SDCBP: variants seen among roughly 807,000 people sequenced by gnomAD.
The protein encoded by SDCBP is syntenin-1.
In SDCBP, 22 loss-of-function variants were observed where a neutral mutation model predicts 30.5. The ratio of observed to expected loss-of-function variants is 0.72; its 90% CI spans 0.52 to 1.03. SDCBP has a LOEUF of 1.03. SDCBP is among the 50% of genes least tolerant of loss of function. The pLI is 0.00. For missense variants in SDCBP, 304 were observed against 369.9 expected (o/e 0.82, Z 1.46); for synonymous variants, 103 against 118.7 (o/e 0.87, Z 0.86).
intron 2 of SDCBP, among the ~76,000 whole-genome samples, chr8:58,567,267 G>A (rs1000499286): frequency 1.3e-5 from 2 of 152,122 alleles, no homozygotes; most frequent in Admixed American, 1.3e-4. Context: ...TAACTTTGCA[G>A]GGAGCTTTCT....
chr8:58,565,182 G>A (rs1403349563), intron 2 of SDCBP, 98 bp downstream of exon 2: 2 of 546,610 alleles, frequency 3.7e-6, no homozygotes, highest in Admixed American at 3.7e-5. Context: ...AGATATATTT[G>A]TTCATTTTTA....
chr8:58,562,078 A>C (rs775011816), intron 1 of SDCBP, among the ~76,000 whole-genome samples: 2 of 152,054 alleles, frequency 1.3e-5, no homozygotes, highest in Non-Finnish European at 2.9e-5. Flanking sequence ...ATCTATTAAA[A>C]AAAAAAACAG....
intron 1 of SDCBP, among the ~76,000 whole-genome samples, chr8:58,559,466 C>A (rs1023100560): frequency 1.1e-4 from 16 of 151,944 alleles, no homozygotes; most frequent in African/African-American, 3.9e-4. Flanking sequence ...GGAAATTGAT[C>A]CTTTGAACCC....
rs554707386 is a variant in SDCBP at position 58,564,527 on chromosome 8, G to C, written c.-15-492G>C. ...GTTAGCAGTTGATATAGTTTCTTCT[G>C]TATACATATATGTGTGTATATATTT... On this transcript the variant is annotated intron_variant, in intron 1 of 8. Coordinates refer to ENST00000260130, the MANE Select transcript of SDCBP (RefSeq NM_005625.4). Among the ~76,000 whole-genome samples, 33 of 152,214 alleles carry C rather than the reference G, an allele frequency of 2.2e-4. 1 individual carries two copies. In the Middle Eastern group the frequency reaches 0.01, roughly 47 times the overall value.
chr8:58,569,672 A>AT (rs989497404), intron 2 of SDCBP, among the ~76,000 whole-genome samples: 1 of 150,540 alleles, frequency 6.6e-6, no homozygotes, highest in African/African-American at 2.4e-5. Context: ...GCCGCACAGT[A>AT]TTTTTTTTGT....
At chr8:58,581,156 A>G (rs1159332278) in intron 8 of SDCBP, among the ~76,000 whole-genome samples, 2 of 152,240 alleles carry the variant, frequency 1.3e-5, no homozygotes, top group African/African-American at 2.4e-5. Flanking sequence ...AGCATCTACC[A>G]TAGCTGTTTT....
At chr8:58,570,512 T>C (rs1246829044) in intron 2 of SDCBP, among the ~76,000 whole-genome samples, 1 of 152,136 alleles carries the variant, frequency 6.6e-6, no homozygotes, top group Non-Finnish European at 1.5e-5. Context: ...TTTTTTCTTA[T>C]GCAAATAAAA....
chr8:58,565,036 GTCTC>G lies in SDCBP; in HGVS notation c.7_10del (p.Leu3IlefsTer7), dbSNP rs770879778. 3 of 1,585,094 alleles carry G rather than the reference GTCTC, an allele frequency of 1.9e-6. No individual in the cohort carries two copies. Among genetic ancestry groups the G allele is most frequent in the South Asian group, 1.1e-5 (1 of 87,924 alleles). On this transcript the variant is annotated frameshift_variant, in exon 2 of 9. Coordinates refer to ENST00000260130, the MANE Select transcript of SDCBP (RefSeq NM_005625.4). LOFTEE classifies it high-confidence loss of function. ...TTCTTTAGAAGAATCCTGCAAAAAT[GTCTC>G]TCTATCCATCTCTCGAAGACTTGAA...
In SDCBP at chr8:58,570,953, C is replaced by A; in HGVS notation, c.118C>A (p.Pro40Thr). 1 of 1,610,070 alleles carries A rather than the reference C, an allele frequency of 6.2e-7. No individual in the cohort carries two copies. The highest frequency in any genetic ancestry group is 8.5e-7 in the Non-Finnish European group (1 of 1,176,648). ...TTTGTCAGAAGCTTCTGCTCCTATCCCTCACGATGGAAGTAGGTTTATACT... is the reference window on the plus strand; with the variant it reads ...TTTGTCAGAAGCTTCTGCTCCTATCACTCACGATGGAAGTAGGTTTATACT... ...AILSEASAPI[P>T]HDGNLYPRLY... The change falls in exon 3 of 9, where the codon CCT becomes ACT. Residue 40 changes from proline to threonine, a missense_variant. Coordinates refer to ENST00000260130, the MANE Select transcript of SDCBP (RefSeq NM_005625.4).
chr8:58,571,175 A>C (rs1804999000), intron 3 of SDCBP, among the ~76,000 whole-genome samples: 1 of 152,172 alleles, frequency 6.6e-6, no homozygotes, highest in South Asian at 2.1e-4. Flanking sequence ...GATGTATTTC[A>C]TGGCTTAATG....
intron 2 of SDCBP, among the ~76,000 whole-genome samples, chr8:58,567,374 A>G (rs1273322035): frequency 3.3e-5 from 5 of 152,246 alleles, no homozygotes; most frequent in African/African-American, 1.2e-4. Flanking sequence ...TAAATTAATA[A>G]GCTGTGTTTT....
chr8:58,554,391 A>C (rs1181324307), intron 1 of SDCBP, among the ~76,000 whole-genome samples: 3 of 152,238 alleles, frequency 2.0e-5, no homozygotes, highest in Non-Finnish European at 2.9e-5. Context: ...GGTAGAAAAT[A>C]CGTCCTTTTG....
chr8:58,563,909 G>A (rs1016898439), intron 1 of SDCBP, among the ~76,000 whole-genome samples: 2 of 152,186 alleles, frequency 1.3e-5, no homozygotes, highest in South Asian at 2.1e-4. Context: ...CAGAAGCCAC[G>A]TGAAGGGGTT....
chr8:58,564,919 G>C, intron 1 of SDCBP, 100 bp from the exon 2 acceptor site: 1 of 599,268 alleles, frequency 1.7e-6, no homozygotes, highest in Non-Finnish European at 2.9e-6. Context: ...GTTTTTTATT[G>C]AGTTAAATAG....
intron 1 of SDCBP, among the ~76,000 whole-genome samples, chr8:58,564,407 A>T (rs1804598016): frequency 6.6e-6 from 1 of 152,252 alleles, no homozygotes. Context: ...ACTAAAAAAC[A>T]TACTTCTACT....
intron 4 of SDCBP, among the ~76,000 whole-genome samples, chr8:58,573,774 C>T (rs139656797): frequency 6.6e-6 from 1 of 152,230 alleles, no homozygotes; most frequent in Admixed American, 6.5e-5. Context: ...CCCAGCATCA[C>T]CAAGTAGAGT....
chr8:58,574,774 A>G lies in SDCBP; in HGVS notation c.241-1126A>G, dbSNP rs1030194999. On this transcript the variant is annotated intron_variant, in intron 4 of 8. Transcript: ENST00000260130. ...TATATCAATACAACTTGATGTATTG[A>G]TAAACACACACAAACACACATTGTG... Among the ~76,000 whole-genome samples the G allele has an allele frequency of 5.9e-5, 9 of 152,320 alleles. No homozygotes were observed. The East Asian group carries it at 1.5e-3, about 26-fold the overall frequency.
At position 58,582,073 on chromosome 8, in the gene SDCBP, C is replaced by T. The variant is rs771864245; in HGVS notation, c.*333C>T. 1.7e-4 allele frequency: 48 copies of T among 279,874 alleles called. No homozygotes were observed. Among genetic ancestry groups the T allele is most frequent in the Admixed American group, 6.4e-4 (13 of 20,300 alleles). 17.3% of individuals were successfully genotyped at this position (279,874 alleles called of 1,614,324 possible). A position where few individuals can be genotyped will look rare whatever the true frequency, so the allele number is the denominator to read the frequency against. The stretch of plus-strand genomic sequence containing the variant: ...GGCTTAGCTTTGTGTGAAAACCAGT[C>T]ACCTTTCTCCTAGGTAATGAGTAGT... On this transcript the variant is annotated 3_prime_UTR_variant, in exon 9 of 9. Coordinates refer to ENST00000260130, the MANE Select transcript of SDCBP (RefSeq NM_005625.4).
At chr8:58,559,404 A>G (rs1252701724) in intron 1 of SDCBP, among the ~76,000 whole-genome samples, 1 of 152,218 alleles carries the variant, frequency 6.6e-6, no homozygotes, top group Non-Finnish European at 1.5e-5. Context: ...TATTGATAGA[A>G]TGGCTGAAAG....
Sources: allele counts gnomAD v4.1 joint callset (sites outside exome capture counted in the v4.1 genomes callset), GRCh38; gene constraint gnomAD v4.1.1; transcripts MANE v1.5; gene names NCBI Gene and HGNC (gene_info 2026-07-23, HGNC 2026-07-21).